The following LDHC variants were observed in gnomAD, a reference collection of about 807,000 sequenced individuals.
LDHC encodes the protein L-lactate dehydrogenase C chain.
A neutral mutation model predicts 30.2 loss-of-function variants in LDHC; 20 were observed. That is an observed-to-expected ratio of 0.66 (90% confidence interval 0.47 to 0.96). The LOEUF (loss-of-function observed/expected upper bound fraction) is 0.96. Among genes scored for constraint, LDHC ranks in the 40% least tolerant of loss-of-function variants. The pLI, the probability that LDHC is intolerant of heterozygous loss-of-function variation, is 0.00. For missense variants in LDHC, 362 were observed against 394.9 expected, an observed-to-expected ratio of 0.92 and a Z score of 0.71; for synonymous variants, 139 against 132.7, an observed-to-expected ratio of 1.05 and a Z score of -0.32.
chr11:18,437,014 A>G (rs923653258), intron 5 of LDHC, among the ~76,000 whole-genome samples: 13 of 151,932 alleles, frequency 8.6e-5, no homozygotes, highest in Non-Finnish European at 5.9e-5. Flanking sequence ...TTCTCCATCT[A>G]ATTTCTTCCC....
At chr11:18,428,542 A>G (rs922512105) in intron 3 of LDHC, among the ~76,000 whole-genome samples, 1 of 152,084 alleles carries the variant, frequency 6.6e-6, no homozygotes, top group East Asian at 1.9e-4. Flanking sequence ...TTACATCCAC[A>G]TGGTAGATAA....
At chr11:18,427,972 T>C (rs1848191875) in intron 3 of LDHC, among the ~76,000 whole-genome samples, 1 of 151,724 alleles carries the variant, frequency 6.6e-6, no homozygotes, top group Non-Finnish European at 1.5e-5. Flanking sequence ...CCACTGTGCC[T>C]GGCCAGAAAT....
At chr11:18,424,236 G>GCCGGTATTAGCGCA (rs1053054783) in intron 3 of LDHC, among the ~76,000 whole-genome samples, 2 of 151,576 alleles carry the variant, frequency 1.3e-5, no homozygotes, top group Non-Finnish European at 2.9e-5. Flanking sequence ...ACAAAAATTA[G>GCCGGTATTAGCGCA]CCGGGCATGG....
intron 3 of LDHC, among the ~76,000 whole-genome samples, chr11:18,429,116 C>CTTTTTTTTTTTTTTTTTTTTTTTTTTTTT (rs36038254): frequency 1.1e-5 from 1 of 93,924 alleles, no homozygotes. Context: ...TCATTTTGGT[C>CTTTTTTTTTTTTTTTTTTTTTTTTTTTTT]TTTTTTTTTT....
At chr11:18,436,481 G>GTTTTTTTTTTTTTTTTTTTTTTTTTTTTT (rs35976847) in intron 5 of LDHC, among the ~76,000 whole-genome samples, 3 of 108,186 alleles carry the variant, frequency 2.8e-5, no homozygotes, top group Non-Finnish European at 3.5e-5. Flanking sequence ...ATAATACAAA[G>GTTTTTTTTTTTTTTTTTTTTTTTTTTTTT]TTTTTTTTTT....
chr11:18,444,007 C>G (rs1421252249), intron 6 of LDHC, among the ~76,000 whole-genome samples: 1 of 152,134 alleles, frequency 6.6e-6, no homozygotes, highest in East Asian at 1.9e-4. Context: ...AACTACTCAG[C>G]TCTTTTTACA....
rs1274724226 is a variant in LDHC, at chr11:18,446,325, A to G, written c.826A>G (p.Met276Val). The G allele has an allele frequency of 1.9e-6, 3 of 1,604,494 alleles. No individual in the cohort carries two copies. Among genetic ancestry groups the G allele is most frequent in the East Asian group, 2.2e-5 (1 of 44,786 alleles). Residue 276 changes from methionine (M) to valine (V), a missense_variant, in exon 7 of 8, where the codon ATG becomes GTG. Physicochemically the swap from Met to Val is conservative, Grantham distance 21 (BLOSUM62 1). Transcript: ENST00000541669. Reference sequence around the variant, plus strand: ...TAGGAGAGTGCACCCAGTTTCCACCATGGTTAAGGTAGGCTTAAATTAAAT... The same window carrying G: ...TAGGAGAGTGCACCCAGTTTCCACCGTGGTTAAGGTAGGCTTAAATTAAAT... The part of the protein sequence containing the change: ...NLRRVHPVST[M>V]VKGLYGIKEE...
intron 1 of LDHC, 93 bp from the exon 2 acceptor site, chr11:18,412,616 C>G: frequency 8.5e-7 from 1 of 1,182,050 alleles, no homozygotes; most frequent in Non-Finnish European, 1.2e-6. Context: ...TTGGCTTCCC[C>G]CCATCCCCGG....
At chr11:18,429,974 A>G in intron 4 of LDHC, 64 bp downstream of exon 4, 1 of 990,478 alleles carries the variant, frequency 1.0e-6, no homozygotes, top group Non-Finnish European at 1.5e-6. Context: ...CCTTTAAAAG[A>G]ATCAACTTCA....
chr11:18,447,414 C>T (rs994575341), intron 7 of LDHC, among the ~76,000 whole-genome samples: 1 of 152,030 alleles, frequency 6.6e-6, no homozygotes, highest in Non-Finnish European at 1.5e-5. Flanking sequence ...GGATTACAGG[C>T]GTGAGCCACC....
At chr11:18,429,368 C>T (rs1590228502) in intron 3 of LDHC, among the ~76,000 whole-genome samples, 2 of 152,084 alleles carry the variant, frequency 1.3e-5, no homozygotes, top group South Asian at 4.1e-4. Flanking sequence ...GCCTTGGCCT[C>T]CCAAAGTTCT....
Position 18,412,769 on chromosome 11 carries a change from A to G in LDHC, c.52A>G (p.Asn18Asp), listed in dbSNP as rs1282303005. ...TGAGAAGCTAATTGAGGATGATGAA[A>G]ACTCCCAGTGTAAAATTACTATTGT... The part of the protein sequence containing the change: ...LIEKLIEDDE[N>D]SQCKITIVGT... The change falls in exon 2 of 8, where the codon AAC becomes GAC. Residue 18 changes from asparagine (N) to aspartate (D), a missense_variant. Asn to Asp is a conservative substitution (Grantham distance 23). Transcript: ENST00000541669. 6.2e-7 allele frequency: 1 copy of G among 1,614,040 alleles called. No individual in the cohort carries two copies. Among genetic ancestry groups the G allele is most frequent in the East Asian group, 2.2e-5 (1 of 44,882 alleles).
intron 3 of LDHC, among the ~76,000 whole-genome samples, chr11:18,424,591 G>C (rs1230234417): frequency 6.6e-6 from 1 of 152,178 alleles, no homozygotes; most frequent in Non-Finnish European, 1.5e-5. Context: ...AAATTATGCA[G>C]TGTAATATTG....
chr11:18,428,905 G>A (rs972702957), intron 3 of LDHC, among the ~76,000 whole-genome samples: 1 of 151,112 alleles, frequency 6.6e-6, no homozygotes, highest in Non-Finnish European at 1.5e-5. Flanking sequence ...AGACCAGTAT[G>A]AGTTAGTAAG....
At chr11:18,441,100 G>C (rs919876280) in intron 6 of LDHC, among the ~76,000 whole-genome samples, 37 of 151,516 alleles carry the variant, frequency 2.4e-4, no homozygotes, top group African/African-American at 9.0e-4. Context: ...ATTCCAACCT[G>C]GGCAACAGAG....
intron 3 of LDHC, among the ~76,000 whole-genome samples, chr11:18,428,326 A>G (rs910804842): frequency 6.6e-6 from 1 of 151,556 alleles, no homozygotes; most frequent in South Asian, 2.1e-4. Context: ...GCACGCCACC[A>G]TGGCTGGCTA....
rs146608542 is a variant in LDHC at position 18,428,501 on chromosome 11, G to T, written c.245-1236G>T. 1.6e-4 allele frequency among the ~76,000 whole-genome samples: 24 copies of T among 152,200 alleles called. No homozygotes were observed. In the East Asian group the frequency reaches 4.6e-3, roughly 29 times the overall value. ...AAAAGAACATGAAAAGTCGAGATGA[G>T]ATAGATATAGAGGATATTTTAACTA... On this transcript the variant is annotated intron_variant, in intron 3 of 7. Coordinates refer to ENST00000541669, the MANE Select transcript of LDHC (RefSeq NM_017448.5).
chr11:18,433,180 G>A (rs535276361), intron 4 of LDHC, among the ~76,000 whole-genome samples: 2 of 152,142 alleles, frequency 1.3e-5, no homozygotes, highest in Non-Finnish European at 2.9e-5. Flanking sequence ...GAGGTCAGGA[G>A]TTCAAGACCA....
chr11:18,412,618 C>T (rs1042619633), intron 1 of LDHC, 91 bp from the exon 2 acceptor site: 4 of 1,193,070 alleles, frequency 3.4e-6, no homozygotes, highest in African/African-American at 1.5e-5. Context: ...GGCTTCCCCC[C>T]ATCCCCGGCT....
Sources: gnomAD v4.1 joint callset for allele counts (sites outside exome capture counted in the v4.1 genomes callset) on GRCh38, gnomAD v4.1.1 for gene constraint, MANE v1.5 for transcripts, NCBI Gene and HGNC (gene_info 2026-07-23, HGNC 2026-07-21) for gene names.